RELCH: variants seen among roughly 807,000 people sequenced by gnomAD.
The protein encoded by RELCH is RAB11 binding and LisH domain, coiled-coil and HEAT repeat containing.
RELCH carries 41 observed loss-of-function variants against 150.3 expected under a neutral mutation model. The ratio of observed to expected loss-of-function variants is 0.27; its 90% confidence interval spans 0.21 to 0.35. The LOEUF (loss-of-function observed/expected upper bound fraction) is 0.35, where lower values mean the gene tolerates loss of function less well. Ranked by LOEUF, RELCH falls within the 10% of genes least tolerant of loss-of-function variation. The pLI, the probability that RELCH is intolerant of heterozygous loss-of-function variation, is 1.00. For synonymous variants in RELCH, 478 were observed against 531.8 expected, an observed-to-expected ratio of 0.90 and a Z score of 1.39; for missense variants, 1,092 against 1,467.8, an observed-to-expected ratio of 0.74 and a Z score of 4.18.
rs1439600557 is a variant in RELCH, at chr18:62,227,794, CT to C, written c.1154+107del. The stretch of plus-strand genomic sequence containing the variant: ...ATATTCCAGTTGCAAGGCATAATTG[CT>C]TCACATTTTAATACTTCTGAAAGAA... On this transcript the variant is annotated intron_variant, in intron 7 of 28. Coordinates refer to ENST00000644646, the MANE Select transcript of RELCH (RefSeq NM_001346231.2). The C allele has an allele frequency of 4.2e-5, 22 of 526,204 alleles. No individual in the cohort carries two copies. In the South Asian group the frequency reaches 7.8e-4, roughly 19 times the overall value. The allele number at this position is 526,204 out of a possible 1,614,324, so 32.6% of individuals were successfully genotyped here. A position where few individuals can be genotyped will look rare whatever the true frequency, so the allele number is the denominator to read the frequency against.
intron 23 of RELCH, chr18:62,280,306 G>A (rs2044439538): frequency 1.4e-6 from 2 of 1,464,796 alleles, no homozygotes; most frequent in African/African-American, 2.8e-5. Context: ...AGCTAACCCA[G>A]TTCTTATTCC....
In RELCH at chr18:62,272,085, C is replaced by T. The variant is rs78331912; in HGVS notation, c.2761-1895C>T. ...AGCTCTGTTAAAGTGGCACAGTATC[C>T]TTTTAAATTTTTCTTTTCTACACTA... On this transcript the variant is annotated intron_variant, in intron 20 of 28. Transcript: ENST00000644646. 5.0e-3 allele frequency among the ~76,000 whole-genome samples: 757 copies of T among 152,218 alleles called. 9 individuals are homozygous for T. The highest frequency in any genetic ancestry group is 0.017 in the African/African-American group (725 of 41,552).
At chr18:62,221,682 C>T (rs2040884468) in intron 5 of RELCH, among the ~76,000 whole-genome samples, 185 bp downstream of exon 5, 1 of 151,272 alleles carries the variant, frequency 6.6e-6, no homozygotes, top group Admixed American at 6.6e-5. Flanking sequence ...TATTCTTTCC[C>T]TGTTGCTTTC....
At chr18:62,267,938 C>T (rs1369189185) in intron 19 of RELCH, among the ~76,000 whole-genome samples, 1 of 151,858 alleles carries the variant, frequency 6.6e-6, no homozygotes, top group Non-Finnish European at 1.5e-5. Context: ...CATCCACACT[C>T]CCTCCCCAAA....
chr18:62,304,002 G>C (rs1041627813), intron 28 of RELCH, among the ~76,000 whole-genome samples: 3 of 152,202 alleles, frequency 2.0e-5, no homozygotes, highest in Admixed American at 6.5e-5. Context: ...CAGGACTTGT[G>C]ATTGGTTTGA....
intron 28 of RELCH, chr18:62,300,156 C>T (rs774794327): frequency 6.6e-6 from 1 of 152,146 alleles, no homozygotes; most frequent in Non-Finnish European, 1.5e-5. Flanking sequence ...TATAGAGTTT[C>T]CCACAGTCTG....
At chr18:62,240,441 C>T (rs2042091995) in intron 10 of RELCH, among the ~76,000 whole-genome samples, 1 of 144,056 alleles carries the variant, frequency 6.9e-6, no homozygotes, top group African/African-American at 2.6e-5. Context: ...CAGGGTCTCA[C>T]TCTGTCACCC....
Position 62,221,488 on chromosome 18 carries a change from C to A in RELCH, c.849C>A (p.Asn283Lys). 3.5e-6 allele frequency: 5 copies of A among 1,438,686 alleles called. No homozygotes were observed. Among genetic ancestry groups the A allele is most frequent in the Non-Finnish European group, 4.8e-6 (5 of 1,052,318 alleles). 89.1% of individuals were successfully genotyped at this position (1,438,686 alleles called of 1,614,324 possible). A position where few individuals can be genotyped will look rare whatever the true frequency, so the allele number is the denominator to read the frequency against. ...CATCAATAACCTTTTCAGATGAAAA[C>A]GATGATCAGGTAAAGTTACTTTTTG... ...KLTSITFSDE[N>K]DDQDFELWDD... Residue 283 changes from asparagine to lysine, a missense_variant, in exon 5 of 29, where the codon AAC becomes AAA. By Grantham distance (94) the Asn-to-Lys change is moderately conservative (BLOSUM62 0). This residue lies in a region of RELCH where 190 missense variants were observed against 276.2 expected (regional missense o/e 0.69). Coordinates refer to ENST00000644646, the MANE Select transcript of RELCH (RefSeq NM_001346231.2).
intron 1 of RELCH, among the ~76,000 whole-genome samples, chr18:62,210,089 T>C (rs1268841737): frequency 3.3e-5 from 5 of 152,190 alleles, no homozygotes; most frequent in Admixed American, 6.5e-5. Context: ...AACTGGATGT[T>C]TTTGGTTTCA....
chr18:62,235,618 C>G (rs1303813249), intron 10 of RELCH, among the ~76,000 whole-genome samples: 1 of 151,956 alleles, frequency 6.6e-6, no homozygotes, highest in Non-Finnish European at 1.5e-5. Flanking sequence ...TCTTTAATTT[C>G]TTTCAGTAAT....
chr18:62,219,256 A>G (rs943130540), intron 2 of RELCH, among the ~76,000 whole-genome samples: 3 of 150,618 alleles, frequency 2.0e-5, no homozygotes, highest in Non-Finnish European at 1.5e-5. Flanking sequence ...TTGGTCACCT[A>G]AACTTTCACC....
intron 26 of RELCH, among the ~76,000 whole-genome samples, chr18:62,291,175 C>T (rs1204508786): frequency 6.6e-6 from 1 of 152,128 alleles, no homozygotes; most frequent in Non-Finnish European, 1.5e-5. Context: ...CAGTTTTTCC[C>T]AAAACTTTCA....
At chr18:62,234,268 C>G (rs894246940) in intron 10 of RELCH, among the ~76,000 whole-genome samples, 9 of 150,946 alleles carry the variant, frequency 6.0e-5, no homozygotes, top group Non-Finnish European at 1.3e-4. Context: ...ATCTCTCCCT[C>G]TATGGGGAGA....
intron 20 of RELCH, among the ~76,000 whole-genome samples, chr18:62,272,204 G>T (rs2043941720): frequency 6.6e-6 from 1 of 152,044 alleles, no homozygotes; most frequent in Non-Finnish European, 1.5e-5. Flanking sequence ...TCATAAATTT[G>T]TGGAGATCAA....
intron 13 of RELCH, among the ~76,000 whole-genome samples, chr18:62,257,304 C>T (rs2043037946): frequency 6.6e-6 from 1 of 152,026 alleles, no homozygotes; most frequent in Non-Finnish European, 1.5e-5. Context: ...AGTGGGTGTA[C>T]ATTATATTAA....
Position 62,298,101 on chromosome 18 carries a change from C to A in RELCH, c.3460-689C>A, listed in dbSNP as rs972648331. Among the ~76,000 whole-genome samples the A allele has an allele frequency of 9.2e-5, 14 of 151,570 alleles. No individual in the cohort carries two copies. The East Asian group carries it at 9.8e-4, about 11-fold the overall frequency. ...CTGTTTTATTTGCTTTATCCCCCCC[C>A]GTCTAAAAAGATACCTAGCCCGTAG... On this transcript the variant is annotated intron_variant, in intron 27 of 28. Coordinates refer to ENST00000644646, the MANE Select transcript of RELCH (RefSeq NM_001346231.2).
chr18:62,302,088 G>C (rs1043762558), intron 28 of RELCH, among the ~76,000 whole-genome samples: 3 of 152,180 alleles, frequency 2.0e-5, no homozygotes. Context: ...AGATGGATTT[G>C]AGATCCGTAT....
intron 19 of RELCH, chr18:62,268,614 G>C (rs945316544): frequency 5.3e-5 from 11 of 206,462 alleles, no homozygotes; most frequent in African/African-American, 2.1e-4. Flanking sequence ...TCCAATTATG[G>C]AAATCAAGAG....
intron 1 of RELCH, among the ~76,000 whole-genome samples, chr18:62,207,790 C>T (rs1180995630): frequency 6.6e-6 from 1 of 152,192 alleles, no homozygotes; most frequent in East Asian, 1.9e-4. Context: ...TTTATCACCC[C>T]AAAAGAAACC....
Sources: gnomAD v4.1 joint callset for allele counts (sites outside exome capture counted in the v4.1 genomes callset) on GRCh38, gnomAD v4.1.1 for gene constraint, gnomAD v4.1.1 regional missense constraint, MANE v1.5 for transcripts, NCBI Gene and HGNC (gene_info 2026-07-23, HGNC 2026-07-21) for gene names.